Variants in HNRNPC observed in about 807,000 individuals in gnomAD.
HNRNPC encodes the protein heterogeneous nuclear ribonucleoprotein C.
HNRNPC carries 3 observed loss-of-function variants against 33.2 expected under a neutral mutation model. That is an observed-to-expected ratio of 0.09 (90% confidence interval 0.04 to 0.23). The LOEUF (loss-of-function observed/expected upper bound fraction) is 0.23. HNRNPC is among the 10% of genes least tolerant of loss of function. The probability of loss-of-function intolerance (pLI) is 1.00; values close to 1 mark genes in which losing one functional copy is unlikely to be tolerated. For synonymous variants in HNRNPC, 121 were observed against 126.7 expected (o/e 0.96, Z 0.30); for missense variants, 143 against 366.7 (o/e 0.39, Z 4.98).
At chr14:21,258,519 G>A (rs10149383) in intron 2 of HNRNPC, among the ~76,000 whole-genome samples, 2,531 of 152,206 alleles carry the variant, frequency 0.017, 36 homozygotes, top group Middle Eastern at 0.078. Context: ...CTTTAGGCAA[G>A]TTATTTAAAT....
chr14:21,250,330 A>G (rs1433161539), intron 2 of HNRNPC, among the ~76,000 whole-genome samples: 2 of 152,170 alleles, frequency 1.3e-5, no homozygotes, highest in East Asian at 3.8e-4. Flanking sequence ...CAAATGGTTC[A>G]GCAAAAAAAT....
intron 2 of HNRNPC, among the ~76,000 whole-genome samples, chr14:21,256,608 A>C (rs1594320754): frequency 6.6e-6 from 1 of 152,152 alleles, no homozygotes; most frequent in East Asian, 1.9e-4. Context: ...CCAAGTGTCG[A>C]CAGTATGAGT....
intron 3 of HNRNPC, among the ~76,000 whole-genome samples, chr14:21,232,111 T>C (rs1894184773): frequency 6.6e-6 from 1 of 152,078 alleles, no homozygotes; most frequent in South Asian, 2.1e-4. Context: ...GGTTTTCAAA[T>C]ACAATTTGTA....
intron 2 of HNRNPC, among the ~76,000 whole-genome samples, chr14:21,250,372 A>G (rs1033157282): frequency 4.6e-5 from 7 of 152,220 alleles, no homozygotes; most frequent in Non-Finnish European, 7.3e-5. Flanking sequence ...GGTGGAAGGT[A>G]TATTAAGAAT....
chr14:21,247,639 T>G (rs543043301), intron 2 of HNRNPC, among the ~76,000 whole-genome samples: 3 of 152,086 alleles, frequency 2.0e-5, no homozygotes, highest in African/African-American at 7.2e-5. Context: ...TGAAGTAAAC[T>G]GAAAGTGGAT....
intron 2 of HNRNPC, among the ~76,000 whole-genome samples, chr14:21,249,603 A>AAC (rs1896401654): frequency 6.7e-6 from 1 of 148,316 alleles, no homozygotes; most frequent in African/African-American, 2.5e-5. Context: ...CAAAAAAAAA[A>AAC]AAAAAAAAAA....
intron 2 of HNRNPC, among the ~76,000 whole-genome samples, chr14:21,253,758 AAACTTAAG>A (rs1594311788): frequency 6.6e-6 from 1 of 151,970 alleles, no homozygotes; most frequent in East Asian, 1.9e-4. Context: ...TCTGGAGAAC[AAACTTAAG>A]AACTTTTTAA....
At chr14:21,232,495 G>A (rs1349961933) in intron 3 of HNRNPC, among the ~76,000 whole-genome samples, 4 of 151,898 alleles carry the variant, frequency 2.6e-5, no homozygotes, top group African/African-American at 9.7e-5. Context: ...TCAGCCTCCT[G>A]AGCGGCTGGG....
At chr14:21,269,249 G>C (rs1050662813) in intron 1 of HNRNPC, 49 bp downstream of exon 1, 2 of 152,118 alleles carry the variant, frequency 1.3e-5, no homozygotes, top group African/African-American at 4.8e-5. Context: ...ACCCCCTCTC[G>C]CTTCCCGAAA....
At chr14:21,220,453 T>C (rs966748890) in intron 5 of HNRNPC, among the ~76,000 whole-genome samples, 1 of 152,166 alleles carries the variant, frequency 6.6e-6, no homozygotes, top group African/African-American at 2.4e-5. Context: ...GGTCTTGAAC[T>C]CCTGACCCCA....
chr14:21,250,642 C>G (rs568884070), intron 2 of HNRNPC, among the ~76,000 whole-genome samples: 1 of 152,194 alleles, frequency 6.6e-6, no homozygotes, highest in South Asian at 2.1e-4. Context: ...ATTTAGAAGT[C>G]ATTATTTCAA....
At chr14:21,225,446 A>AT (rs1893314771) in intron 5 of HNRNPC, among the ~76,000 whole-genome samples, 1 of 151,874 alleles carries the variant, frequency 6.6e-6, no homozygotes, top group Non-Finnish European at 1.5e-5. Context: ...AAAGGAAAAA[A>AT]AAAAACAGAG....
At chr14:21,215,923 AAG>A (rs1892116780) in intron 5 of HNRNPC, among the ~76,000 whole-genome samples, 1 of 147,030 alleles carries the variant, frequency 6.8e-6, no homozygotes, top group Admixed American at 6.9e-5. Context: ...GAAAGGAAGA[AAG>A]AAAGAAAAGG....
intron 1 of HNRNPC, chr14:21,268,605 AAG>A (rs1269242960): frequency 5.9e-5 from 9 of 152,112 alleles, no homozygotes; most frequent in Admixed American, 2.6e-4. Context: ...CCGTCTGAGA[AAG>A]AGAGTTAATA....
chr14:21,211,669 C>T, intron 7 of HNRNPC, 103 bp from the exon 8 acceptor site: 1 of 1,450,536 alleles, frequency 6.9e-7, no homozygotes, highest in South Asian at 1.3e-5. Context: ...CTAAATCCTC[C>T]CACACAAATA....
At chr14:21,220,185 C>T (rs888125154) in intron 5 of HNRNPC, among the ~76,000 whole-genome samples, 8 of 151,942 alleles carry the variant, frequency 5.3e-5, no homozygotes, top group Non-Finnish European at 7.4e-5. Context: ...ATGCCTTATG[C>T]GTCACGTGAT....
At chr14:21,241,198 G>A (rs1367791912) in intron 2 of HNRNPC, among the ~76,000 whole-genome samples, 2 of 143,632 alleles carry the variant, frequency 1.4e-5, no homozygotes, top group Non-Finnish European at 3.0e-5. Flanking sequence ...GGCGGAGGTT[G>A]TAGTAAGCCG....
At chr14:21,224,922 C>T (rs1412581009) in intron 5 of HNRNPC, among the ~76,000 whole-genome samples, 1 of 152,066 alleles carries the variant, frequency 6.6e-6, no homozygotes, top group Admixed American at 6.5e-5. Context: ...ATTTCATACT[C>T]GTTACTTATA....
intron 3 of HNRNPC, 105 bp downstream of exon 3, chr14:21,233,848 C>T: frequency 7.2e-7 from 1 of 1,387,798 alleles, no homozygotes; most frequent in Non-Finnish European, 9.9e-7. Flanking sequence ...GTCGCAATAT[C>T]CAGAATATCT....
Sources: allele counts gnomAD v4.1 joint callset (sites outside exome capture counted in the v4.1 genomes callset), GRCh38; gene constraint gnomAD v4.1.1; transcripts MANE v1.5; gene names NCBI Gene and HGNC (gene_info 2026-07-23, HGNC 2026-07-21).